CCDC186: variants seen among roughly 807,000 people sequenced by gnomAD.
CCDC186 encodes the protein coiled-coil domain-containing protein 186.
Under a neutral mutation model 113.7 loss-of-function variants are expected in CCDC186, and 49 were observed. The ratio of observed to expected loss-of-function variants is 0.43; its 90% CI spans 0.34 to 0.55. The LOEUF (loss-of-function observed/expected upper bound fraction) is 0.55. CCDC186 is among the 20% of genes least tolerant of loss of function. The pLI is 0.02. For missense variants in CCDC186, 890 were observed against 1,011.1 expected, an observed-to-expected ratio of 0.88 and a Z score of 1.62; for synonymous variants, 355 against 345.8, an observed-to-expected ratio of 1.03 and a Z score of -0.30.
intron 6 of CCDC186, among the ~76,000 whole-genome samples, chr10:114,138,082 AT>A (rs2031334322): frequency 1.7e-5 from 1 of 59,424 alleles, no homozygotes; most frequent in Non-Finnish European, 3.4e-5. Context: ...AATAAAAAAA[AT>A]ACACAAATTA....
chr10:114,149,085 G>C (rs1262157992), intron 4 of CCDC186, among the ~76,000 whole-genome samples: 1 of 152,180 alleles, frequency 6.6e-6, no homozygotes, highest in African/African-American at 2.4e-5. Context: ...GAATGAGACA[G>C]ATCTATTAAT....
chr10:114,123,403 C>T lies in CCDC186; in HGVS notation c.*1740G>A, dbSNP rs2030790904. ...AAAGACATTCATTAAATAATCTAAT[C>T]CTTAGTAAATTATTTTTAAACGATG... On this transcript the variant is annotated 3_prime_UTR_variant, in exon 16 of 16. Coordinates refer to ENST00000369287, the MANE Select transcript of CCDC186 (RefSeq NM_018017.4). The T allele has an allele frequency of 6.6e-6, 1 of 152,000 alleles. No individual in the cohort carries two copies. Among genetic ancestry groups the T allele is most frequent in the Admixed American group, 6.6e-5 (1 of 15,264 alleles). 9.4% of individuals were successfully genotyped at this position (152,000 alleles called of 1,614,324 possible).
chr10:114,134,859 A>C, intron 10 of CCDC186, 54 bp downstream of exon 10: 1 of 1,543,054 alleles, frequency 6.5e-7, no homozygotes, highest in Non-Finnish European at 8.6e-7. Flanking sequence ...AAAATCTTGA[A>C]ATAAAATTTA....
At chr10:114,161,750 G>A (rs1169092800) in intron 2 of CCDC186, 1 of 152,276 alleles carries the variant, frequency 6.6e-6, no homozygotes, top group Non-Finnish European at 1.5e-5. Context: ...CAAGTTCACA[G>A]TAGCATTATT....
chr10:114,126,165 G>T, intron 14 of CCDC186, 60 bp from the exon 15 acceptor site: 1 of 1,320,220 alleles, frequency 7.6e-7, no homozygotes, highest in Non-Finnish European at 1.1e-6. Flanking sequence ...AATGGAATCT[G>T]CAAAAGTCAA....
In CCDC186 at chr10:114,134,958, A is replaced by G. The variant is rs764253855; in HGVS notation, c.1610T>C (p.Leu537Ser). 1.0e-4 allele frequency: 169 copies of G among 1,612,682 alleles called. 1 individual carries two copies. The highest frequency in any genetic ancestry group is 9.9e-4 in the Middle Eastern group (6 of 6,048). Residue 537 changes from leucine to serine, a missense_variant, in exon 10 of 16, where the codon TTG (leucine) becomes TCG (serine). By Grantham distance (145) the Leu-to-Ser change is moderately radical (BLOSUM62 -2). Transcript: ENST00000369287. ...NRQKAEIQNL[L>S]DKVKTADQLQ... ...CTGATCTGCAGTTTTCACCTTGTCC[A>G]ATAAATTCTGAATTTCAGCTTTTTG...
intron 14 of CCDC186, 36 bp from the exon 15 acceptor site, chr10:114,126,141 G>A (rs762694491): frequency 1.3e-6 from 2 of 1,541,990 alleles, no homozygotes; most frequent in Non-Finnish European, 1.8e-6. Context: ...TTGTGTACTT[G>A]TAGAATTAAA....
At chr10:114,142,743 T>C (rs1210078126) in intron 6 of CCDC186, among the ~76,000 whole-genome samples, 4 of 152,190 alleles carry the variant, frequency 2.6e-5, no homozygotes, top group Non-Finnish European at 5.9e-5. Flanking sequence ...TCCAGTAAGC[T>C]ACAGGACTGC....
intron 8 of CCDC186, 44 bp from the exon 9 acceptor site, chr10:114,136,021 A>G: frequency 6.4e-7 from 1 of 1,556,486 alleles, no homozygotes; most frequent in Non-Finnish European, 8.8e-7. Context: ...AATGTGCTAA[A>G]CTATATCTAA....
chr10:114,153,414 T>A (rs2031912299), intron 3 of CCDC186, among the ~76,000 whole-genome samples: 2 of 152,020 alleles, frequency 1.3e-5, no homozygotes, highest in South Asian at 4.1e-4. Flanking sequence ...AATGCAAACA[T>A]AATATACCAC....
At chr10:114,155,529 G>C (rs2031984847) in intron 3 of CCDC186, among the ~76,000 whole-genome samples, 1 of 152,036 alleles carries the variant, frequency 6.6e-6, no homozygotes, top group African/African-American at 2.4e-5. Context: ...ATAAAAACTA[G>C]CCAGGCTTGG....
At chr10:114,137,950 T>C (rs530709538) in intron 6 of CCDC186, among the ~76,000 whole-genome samples, 1 of 138,060 alleles carries the variant, frequency 7.2e-6, no homozygotes, top group East Asian at 2.3e-4. Flanking sequence ...AGCAGGAGAA[T>C]CACTTGAACC....
chr10:114,129,807 G>C, intron 13 of CCDC186, 84 bp downstream of exon 13: 2 of 1,195,104 alleles, frequency 1.7e-6, no homozygotes, highest in African/African-American at 3.0e-5. Flanking sequence ...TGGGATTACA[G>C]GTGTGAGCCA....
At chr10:114,157,178 A>ATTTTTT (rs34377537) in intron 3 of CCDC186, among the ~76,000 whole-genome samples, 2 of 121,190 alleles carry the variant, frequency 1.7e-5, no homozygotes, top group African/African-American at 3.1e-5. Context: ...AGTTTTCAGA[A>ATTTTTT]TTTTTTTTTT....
intron 1 of CCDC186, among the ~76,000 whole-genome samples, chr10:114,167,719 T>C (rs1019563683): frequency 1.3e-5 from 2 of 150,516 alleles, no homozygotes. Context: ...TCCCAACACT[T>C]TGGAAGGCTG....
At chr10:114,137,073 T>C in intron 7 of CCDC186, 113 bp downstream of exon 7, 3 of 698,746 alleles carry the variant, frequency 4.3e-6, no homozygotes, top group Non-Finnish European at 7.2e-6. Context: ...GCCGAGACTG[T>C]GCCATTGAAC....
At chr10:114,131,099 T>G (rs1394574894) in intron 12 of CCDC186, 48 bp downstream of exon 12, 2 of 1,341,734 alleles carry the variant, frequency 1.5e-6, no homozygotes, top group African/African-American at 3.0e-5. Flanking sequence ...TCCTAATGAT[T>G]AAAAGAAACA....
chr10:114,132,146 T>A lies in CCDC186; in HGVS notation c.1694A>T (p.Glu565Val). The A allele has an allele frequency of 6.2e-7, 1 of 1,602,588 alleles. No individual in the cohort carries two copies. Among genetic ancestry groups the A allele is most frequent in the Non-Finnish European group, 8.5e-7 (1 of 1,175,170 alleles). ...QEIENLKEEV[E>V]SLNSLINDLQ... ...GTCATTAATCAAAGAATTAAGACTT[T>A]CCACTTCTTCTTTCAAATTTTCAAT... Residue 565 changes from glutamate to valine, a missense_variant, in exon 11 of 16, where the codon GAA becomes GTA. Physicochemically the swap from Glu to Val is moderately radical, Grantham distance 121 (BLOSUM62 -2). Transcript: ENST00000369287.
Position 114,167,089 on chromosome 10 carries a change from C to T in CCDC186, c.-61-3760G>A, listed in dbSNP as rs527262782. 8.1e-5 allele frequency among the ~76,000 whole-genome samples: 12 copies of T among 148,208 alleles called. No individual in the cohort carries two copies. The South Asian group carries it at 2.1e-3, about 26-fold the overall frequency. On this transcript the variant is annotated intron_variant, in intron 1 of 15. Transcript: ENST00000369287. Reference sequence around the variant, plus strand: ...AAGCTGGAGTGCAATGGCGCGATCTCGGCTCACTGCAACCTCTGACTCCCT... The same window carrying T: ...AAGCTGGAGTGCAATGGCGCGATCTTGGCTCACTGCAACCTCTGACTCCCT...
Sources: gnomAD v4.1 joint callset for allele counts (sites outside exome capture counted in the v4.1 genomes callset) on GRCh38, gnomAD v4.1.1 for gene constraint, MANE v1.5 for transcripts, NCBI Gene and HGNC (gene_info 2026-07-23, HGNC 2026-07-21) for gene names.